PPP4R4: variants seen among roughly 807,000 people sequenced by gnomAD.
The protein encoded by PPP4R4 is protein phosphatase 4 regulatory subunit 4.
PPP4R4 carries 70 observed loss-of-function variants against 121.8 expected under a neutral mutation model. The ratio of observed to expected loss-of-function variants is 0.57; its 90% CI spans 0.47 to 0.70. The LOEUF is 0.70. Ranked by LOEUF, PPP4R4 falls within the 30% of genes least tolerant of loss-of-function variation. PPP4R4 has a pLI of 0.00. For missense variants in PPP4R4, 875 were observed against 1,033.6 expected, an observed-to-expected ratio of 0.85 and a Z score of 2.10; for synonymous variants, 348 against 355.7, an observed-to-expected ratio of 0.98 and a Z score of 0.24.
At chr14:94,244,815 C>T in intron 12 of PPP4R4, 103 bp downstream of exon 12, 2 of 1,141,408 alleles carry the variant, frequency 1.8e-6, no homozygotes, top group Non-Finnish European at 2.3e-6. Flanking sequence ...ACTCTTTCAG[C>T]TGACTAGCCC....
intron 3 of PPP4R4, among the ~76,000 whole-genome samples, chr14:94,215,257 A>G (rs1231348077): frequency 1.3e-5 from 2 of 152,202 alleles, no homozygotes; most frequent in African/African-American, 4.8e-5. Context: ...GTGTTTATGA[A>G]TATTTTATTG....
intron 3 of PPP4R4, among the ~76,000 whole-genome samples, chr14:94,222,204 T>C (rs1891441316): frequency 6.6e-6 from 1 of 152,068 alleles, no homozygotes; most frequent in Admixed American, 6.5e-5. Flanking sequence ...CTTTTTCTTT[T>C]TGCCAACTGC....
chr14:94,239,741 G>C (rs936476605), intron 8 of PPP4R4, among the ~76,000 whole-genome samples: 1 of 152,116 alleles, frequency 6.6e-6, no homozygotes, highest in African/African-American at 2.4e-5. Flanking sequence ...TACAAAAAAA[G>C]TTTATAGATC....
rs140768525 is a variant in PPP4R4, at chr14:94,268,739, C to A, written c.2449+1710C>A. On this transcript the variant is annotated intron_variant, in intron 23 of 24. Coordinates refer to ENST00000304338, the MANE Select transcript of PPP4R4 (RefSeq NM_058237.2). ...AAGAGGGTGTATGTAGGGGAACTGC[C>A]CTTTTATAAAACCACCAGATCTCGT... 3.9e-4 allele frequency among the ~76,000 whole-genome samples: 60 copies of A among 152,146 alleles called. No homozygotes were observed. In the East Asian group the frequency reaches 0.01, roughly 26 times the overall value.
At chr14:94,247,140 T>C (rs1892938383) in intron 14 of PPP4R4, among the ~76,000 whole-genome samples, 1 of 152,242 alleles carries the variant, frequency 6.6e-6, no homozygotes, top group Admixed American at 6.5e-5. Context: ...CAAAGTTAAT[T>C]GTCTACTTTT....
At chr14:94,231,921 T>A (rs1392921669) in intron 5 of PPP4R4, among the ~76,000 whole-genome samples, 1 of 152,150 alleles carries the variant, frequency 6.6e-6, no homozygotes, top group East Asian at 1.9e-4. Context: ...AAAAATGGAA[T>A]TACATTTTAT....
chr14:94,278,736 TAAATTTTGGG>T lies in PPP4R4; in HGVS notation c.*94_*103del. 3 of 1,286,048 alleles carry T rather than the reference TAAATTTTGGG, an allele frequency of 2.3e-6. No homozygotes were observed. The highest frequency in any genetic ancestry group is 3.1e-6 in the Non-Finnish European group (3 of 975,168). The allele number at this position is 1,286,048 out of a possible 1,614,324, so 79.7% of individuals were successfully genotyped here. A position where few individuals can be genotyped will look rare whatever the true frequency, so the allele number is the denominator to read the frequency against. ...AAAGCAGTGGCTGGGGCTTTGTTTT[TAAATTTTGGG>T]TTTTTTTTTTTGTTGTTGTTAATGA... On this transcript the variant is annotated 3_prime_UTR_variant, in exon 25 of 25. Transcript: ENST00000304338.
At chr14:94,223,880 A>G (rs1891548828) in intron 3 of PPP4R4, among the ~76,000 whole-genome samples, 1 of 148,730 alleles carries the variant, frequency 6.7e-6, no homozygotes, top group African/African-American at 2.4e-5. Context: ...TCCCTCTACC[A>G]TACCCTGTCA....
chr14:94,183,920 A>G (rs1263403218), intron 2 of PPP4R4, among the ~76,000 whole-genome samples: 1 of 151,952 alleles, frequency 6.6e-6, no homozygotes, highest in Non-Finnish European at 1.5e-5. Context: ...GCAATATAAA[A>G]TAAATGAGTA....
chr14:94,253,009 T>C (rs1172448005), intron 16 of PPP4R4, among the ~76,000 whole-genome samples: 2 of 152,256 alleles, frequency 1.3e-5, no homozygotes, highest in South Asian at 2.1e-4. Context: ...TTTATGAGCA[T>C]TTTTTAATGG....
In PPP4R4 at chr14:94,240,891, G is replaced by A. The variant is rs192984725; in HGVS notation, c.976+96G>A. ...CTTTGGCTCTTCAGTTAATTGTAAA[G>A]CCTAACTCTTAAGTATATAAAAATC... is the stretch of plus-strand genomic sequence containing the variant. On this transcript the variant is annotated intron_variant, in intron 9 of 24. Transcript: ENST00000304338. 34 of 1,348,668 alleles carry A rather than the reference G, an allele frequency of 2.5e-5. No individual in the cohort carries two copies. The East Asian group carries it at 7.5e-4, about 30-fold the overall frequency. The allele number at this position is 1,348,668 out of a possible 1,614,324, so 83.5% of individuals were successfully genotyped here. A position where few individuals can be genotyped will look rare whatever the true frequency, so the allele number is the denominator to read the frequency against.
chr14:94,275,663 C>T (rs1894598951), intron 24 of PPP4R4, 142 bp downstream of exon 24: 2 of 923,576 alleles, frequency 2.2e-6, no homozygotes, highest in African/African-American at 3.3e-5. Flanking sequence ...ATTATTGTCA[C>T]ATGTGACTCT....
intron 16 of PPP4R4, among the ~76,000 whole-genome samples, chr14:94,256,020 C>T (rs1402785933): frequency 6.6e-6 from 1 of 152,178 alleles, no homozygotes; most frequent in African/African-American, 2.4e-5. Context: ...TCCAGATATT[C>T]ACATAGCTCA....
intron 2 of PPP4R4, among the ~76,000 whole-genome samples, chr14:94,184,422 C>G (rs562956961): frequency 1.9e-4 from 29 of 152,164 alleles, no homozygotes; most frequent in Admixed American, 3.9e-4. Context: ...CCATGCCTAG[C>G]TAATTAAGTT....
intron 23 of PPP4R4, among the ~76,000 whole-genome samples, chr14:94,271,038 C>A (rs988026234): frequency 7.2e-5 from 11 of 152,014 alleles, no homozygotes; most frequent in Non-Finnish European, 1.3e-4. Flanking sequence ...AATTAATAAT[C>A]TTCCAAAACA....
chr14:94,259,149 C>A, intron 18 of PPP4R4, 146 bp from the exon 19 acceptor site: 1 of 1,372,964 alleles, frequency 7.3e-7, no homozygotes, highest in Non-Finnish European at 9.8e-7. Flanking sequence ...GTCCCTCCCA[C>A]AACATGTGGG....
At chr14:94,198,316 A>G (rs1267875658) in intron 2 of PPP4R4, among the ~76,000 whole-genome samples, 1 of 151,944 alleles carries the variant, frequency 6.6e-6, no homozygotes, top group East Asian at 1.9e-4. Context: ...AGATGTATTT[A>G]TTTGCCATTT....
intron 3 of PPP4R4, among the ~76,000 whole-genome samples, chr14:94,223,871 C>G (rs1248182141): frequency 1.3e-5 from 2 of 149,488 alleles, no homozygotes; most frequent in Non-Finnish European, 3.0e-5. Context: ...GCACATATAT[C>G]CCTCTACCAT....
At position 94,227,243 on chromosome 14, in the gene PPP4R4, G is replaced by C. The variant is rs752930204; in HGVS notation, c.295-3344G>C. The C allele has an allele frequency of 3.4e-6, 5 of 1,469,936 alleles. No homozygotes were observed. In the South Asian group the frequency reaches 5.8e-5, roughly 17 times the overall value. 91.1% of individuals were successfully genotyped at this position (1,469,936 alleles called of 1,614,324 possible). ...AGGAATGGTAACTGGCTTAAGGCAT[G>C]CACTTAAGCAATAGAGGAATTTACT... On this transcript the variant is annotated intron_variant, in intron 3 of 24. Coordinates refer to ENST00000304338, the MANE Select transcript of PPP4R4 (RefSeq NM_058237.2).
Sources: allele counts gnomAD v4.1 joint callset (sites outside exome capture counted in the v4.1 genomes callset), GRCh38; gene constraint gnomAD v4.1.1; transcripts MANE v1.5; gene names NCBI Gene and HGNC (gene_info 2026-07-23, HGNC 2026-07-21).